STXBP5L: variants seen among roughly 807,000 people sequenced by gnomAD.
STXBP5L encodes syntaxin-binding protein 5-like.
A neutral mutation model predicts 144.5 loss-of-function variants in STXBP5L; 65 were observed. That is an observed-to-expected ratio of 0.45 (90% CI 0.37 to 0.55). The LOEUF (loss-of-function observed/expected upper bound fraction) is 0.55. STXBP5L is among the 20% of genes least tolerant of loss of function. The probability of loss-of-function intolerance (pLI) is 0.00; values close to 1 mark genes in which losing one functional copy is unlikely to be tolerated. For missense variants in STXBP5L, 1,298 were observed against 1,405.5 expected, an observed-to-expected ratio of 0.92 and a Z score of 1.22; for synonymous variants, 505 against 469.6, an observed-to-expected ratio of 1.08 and a Z score of -0.97.
chr3:121,172,669 A>G (rs1015804063), intron 9 of STXBP5L, among the ~76,000 whole-genome samples: 1 of 152,372 alleles, frequency 6.6e-6, no homozygotes, highest in African/African-American at 2.4e-5. Context: ...ATCATTAAAA[A>G]GTCAGGAAAC....
rs755252074 is a variant in STXBP5L, at chr3:121,115,071, C to T, written c.605+12C>T. The T allele has an allele frequency of 1.3e-6, 2 of 1,597,494 alleles. No homozygotes were observed. Among genetic ancestry groups the T allele is most frequent in the Admixed American group, 1.8e-5 (1 of 56,600 alleles). On this transcript the variant is annotated intron_variant, in intron 6 of 26. Transcript: ENST00000471454. The stretch of plus-strand genomic sequence containing the variant: ...AAGGCAATTGAACTGTAAGTTTGAA[C>T]TTGGATATCACTTTATTGGCTTAAA...
At chr3:121,288,827 C>T (rs1215483110) in intron 19 of STXBP5L, among the ~76,000 whole-genome samples, 2 of 152,076 alleles carry the variant, frequency 1.3e-5, no homozygotes, top group African/African-American at 4.8e-5. Context: ...TAGCTGTGCT[C>T]AAGCTATTTA....
At chr3:121,192,060 C>T (rs1430159250) in intron 9 of STXBP5L, among the ~76,000 whole-genome samples, 1 of 152,124 alleles carries the variant, frequency 6.6e-6, no homozygotes, top group Non-Finnish European at 1.5e-5. Context: ...CAAACCTGCA[C>T]ATTGTGCACA....
chr3:121,128,369 G>T (rs1236232694), intron 7 of STXBP5L, among the ~76,000 whole-genome samples: 1 of 152,112 alleles, frequency 6.6e-6, no homozygotes, highest in Non-Finnish European at 1.5e-5. Context: ...GGATGATAAT[G>T]TTAAAATGAA....
At position 121,381,306 on chromosome 3, in the gene STXBP5L, T is replaced by C; in HGVS notation, c.2361T>C (p.Asn787=). Reference sequence around the variant, plus strand: ...TTATTTCCATAGAAAACCGAGAAAATTCCTATAATCGTTCTAGAAGCTCTA... The same window carrying C: ...TTATTTCCATAGAAAACCGAGAAAACTCCTATAATCGTTCTAGAAGCTCTA... The part of the protein sequence containing the change: ...LPVTTEENRE[N]SYNRSRSSSI... The change falls in exon 22 of 27, where the codon AAT becomes AAC. Residue 787 remains asparagine (N), a synonymous_variant. Transcript: ENST00000471454. 1 of 1,581,944 alleles carries C rather than the reference T, an allele frequency of 6.3e-7. No individual in the cohort carries two copies. Among genetic ancestry groups the C allele is most frequent in the Non-Finnish European group, 8.5e-7 (1 of 1,171,260 alleles).
intron 3 of STXBP5L, among the ~76,000 whole-genome samples, chr3:120,981,431 T>C (rs1005219188): frequency 6.6e-6 from 1 of 152,178 alleles, no homozygotes; most frequent in Admixed American, 6.5e-5. Flanking sequence ...ATTAAAAAGC[T>C]CTGTTTTCTA....
intron 21 of STXBP5L, among the ~76,000 whole-genome samples, chr3:121,381,086 T>C (rs975026946): frequency 2.0e-5 from 3 of 152,152 alleles, no homozygotes; most frequent in African/African-American, 7.2e-5. Context: ...GTCCTAGGTC[T>C]GCCTAAGCTT....
intron 11 of STXBP5L, among the ~76,000 whole-genome samples, chr3:121,224,105 G>A (rs182135821): frequency 1.4e-4 from 22 of 152,260 alleles, no homozygotes; most frequent in Admixed American, 1.4e-3. Context: ...GACAGAATAT[G>A]TGAGGTTATG....
At position 121,378,854 on chromosome 3, in the gene STXBP5L, G is replaced by A. The variant is rs780583522; in HGVS notation, c.2315G>A (p.Cys772Tyr). ...PPFRKAQSAA[C>Y]MEISLPVTTE... ...TTTCGAAAGGCCCAGTCAGCAGCCT[G>A]CATGGAGATTTCTTTACCAGTTACA... Residue 772 changes from cysteine (C) to tyrosine (Y), a missense_variant, in exon 21 of 27, where the codon TGC becomes TAC. Physicochemically the swap from Cys to Tyr is radical, Grantham distance 194. Transcript: ENST00000471454. 1.9e-6 allele frequency: 3 copies of A among 1,613,516 alleles called. No individual in the cohort carries two copies. Among genetic ancestry groups the A allele is most frequent in the Non-Finnish European group, 2.5e-6 (3 of 1,179,724 alleles).
intron 7 of STXBP5L, among the ~76,000 whole-genome samples, chr3:121,126,606 T>C (rs1027500459): frequency 1.3e-5 from 2 of 152,212 alleles, no homozygotes; most frequent in African/African-American, 2.4e-5. Context: ...TTAATTGATA[T>C]GGGGTAATGA....
At chr3:121,184,587 G>C (rs995051331) in intron 9 of STXBP5L, among the ~76,000 whole-genome samples, 2 of 152,050 alleles carry the variant, frequency 1.3e-5, no homozygotes, top group Non-Finnish European at 2.9e-5. Flanking sequence ...ATCTACATTT[G>C]ATTGGTGTAC....
chr3:121,180,229 C>A (rs755303500), intron 9 of STXBP5L, among the ~76,000 whole-genome samples: 1 of 152,158 alleles, frequency 6.6e-6, no homozygotes, highest in African/African-American at 2.4e-5. Flanking sequence ...GTCAGATTAG[C>A]AGCAGATTTG....
chr3:121,187,720 T>C (rs896771199), intron 9 of STXBP5L, among the ~76,000 whole-genome samples: 1 of 152,038 alleles, frequency 6.6e-6, no homozygotes, highest in African/African-American at 2.4e-5. Flanking sequence ...ATGGGCTAAA[T>C]GTCCCAATTA....
At chr3:121,143,026 A>T (rs374596085) in intron 7 of STXBP5L, among the ~76,000 whole-genome samples, 4 of 152,022 alleles carry the variant, frequency 2.6e-5, no homozygotes, top group African/African-American at 9.6e-5. Flanking sequence ...AAATGAAAGG[A>T]GTGATTTACA....
At chr3:121,184,478 A>G (rs1362239728) in intron 9 of STXBP5L, among the ~76,000 whole-genome samples, 3 of 151,836 alleles carry the variant, frequency 2.0e-5, no homozygotes, top group African/African-American at 2.4e-5. Flanking sequence ...ATTGAAGATC[A>G]CCTTAATGAA....
chr3:121,203,742 A>G (rs527445821), intron 9 of STXBP5L, among the ~76,000 whole-genome samples: 1 of 152,324 alleles, frequency 6.6e-6, no homozygotes, highest in South Asian at 2.1e-4. Flanking sequence ...TTGATTAAAA[A>G]TGCTTTAATA....
intron 7 of STXBP5L, among the ~76,000 whole-genome samples, chr3:121,134,454 T>C (rs1033141157): frequency 6.6e-6 from 1 of 152,184 alleles, no homozygotes; most frequent in Non-Finnish European, 1.5e-5. Flanking sequence ...GTGCGCAATG[T>C]GTAAGTTTGT....
chr3:121,365,310 T>G (rs2045831703), intron 20 of STXBP5L, among the ~76,000 whole-genome samples: 1 of 151,914 alleles, frequency 6.6e-6, no homozygotes, highest in Admixed American at 6.6e-5. Flanking sequence ...CTCTTCAATT[T>G]TTGAAAAAGT....
chr3:120,965,634 C>G (rs919624027), intron 3 of STXBP5L, among the ~76,000 whole-genome samples: 1 of 152,190 alleles, frequency 6.6e-6, no homozygotes, highest in African/African-American at 2.4e-5. Flanking sequence ...AGGCTTTCTG[C>G]TGAGAGATCT....
Sources: allele counts gnomAD v4.1 joint callset (sites outside exome capture counted in the v4.1 genomes callset), GRCh38; gene constraint gnomAD v4.1.1; transcripts MANE v1.5; gene names NCBI Gene and HGNC (gene_info 2026-07-23, HGNC 2026-07-21).